Variants in SLC16A7 observed in about 807,000 individuals in gnomAD.
SLC16A7 encodes monocarboxylate transporter 2.
SLC16A7 carries 33 observed loss-of-function variants against 34.9 expected under a neutral mutation model. That is an observed-to-expected ratio of 0.94 (90% CI 0.72 to 1.26). SLC16A7 has a LOEUF of 1.26. SLC16A7 is among the 50% of genes most tolerant of loss of function. The pLI, the probability that SLC16A7 is intolerant of heterozygous loss-of-function variation, is 0.00. For synonymous variants in SLC16A7, 201 were observed against 206.6 expected, an observed-to-expected ratio of 0.97 and a Z score of 0.23; for missense variants, 573 against 578.1, an observed-to-expected ratio of 0.99 and a Z score of 0.09.
intron 2 of SLC16A7, among the ~76,000 whole-genome samples, chr12:59,668,872 G>A (rs1869434183): frequency 1.3e-5 from 2 of 152,174 alleles, no homozygotes; most frequent in African/African-American, 4.8e-5. Context: ...TTGTGATAGT[G>A]AATAAGTCTC....
At chr12:59,658,799 T>G (rs1868671301) in intron 2 of SLC16A7, among the ~76,000 whole-genome samples, 1 of 152,048 alleles carries the variant, frequency 6.6e-6, no homozygotes, top group Non-Finnish European at 1.5e-5. Context: ...ATTTACGTAT[T>G]TTGGCAGTAT....
intron 1 of SLC16A7, among the ~76,000 whole-genome samples, chr12:59,617,298 T>C (rs1213159136): frequency 6.6e-6 from 1 of 152,018 alleles, no homozygotes; most frequent in African/African-American, 2.4e-5. Flanking sequence ...AAAATCCTAC[T>C]TGATATTGGA....
intron 2 of SLC16A7, among the ~76,000 whole-genome samples, chr12:59,669,427 A>G (rs1376004297): frequency 1.3e-5 from 2 of 152,132 alleles, no homozygotes; most frequent in African/African-American, 2.4e-5. Context: ...ATCTTTTAGT[A>G]TTAGATATTT....
Position 59,774,571 on chromosome 12 carries a change from T to C in SLC16A7, c.362-86T>C, listed in dbSNP as rs1271735581. The C allele has an allele frequency of 7.7e-6, 6 of 776,892 alleles. No individual in the cohort carries two copies. In the Admixed American group the frequency reaches 1.7e-4, roughly 22 times the overall value. The allele number at this position is 776,892 out of a possible 1,614,324, so 48.1% of individuals were successfully genotyped here. Reference sequence around the variant, plus strand: ...GCGTTTTTAATTCTGCCTTTCCCACTTGAATGTACATTTTGAGGAGTAATT... The same window carrying C: ...GCGTTTTTAATTCTGCCTTTCCCACCTGAATGTACATTTTGAGGAGTAATT... On this transcript the variant is annotated intron_variant, in intron 4 of 5. Coordinates refer to ENST00000547379, the MANE Select transcript of SLC16A7 (RefSeq NM_001270623.2).
At chr12:59,738,877 A>G (rs1014441851) in intron 3 of SLC16A7, among the ~76,000 whole-genome samples, 12 of 151,282 alleles carry the variant, frequency 7.9e-5, no homozygotes, top group African/African-American at 2.9e-4. Context: ...TCATGTTTAT[A>G]AACTATTGCT....
intron 3 of SLC16A7, among the ~76,000 whole-genome samples, chr12:59,757,340 C>G (rs1321911979): frequency 6.6e-6 from 1 of 152,114 alleles, no homozygotes; most frequent in East Asian, 1.9e-4. Context: ...CACCATGGCA[C>G]GTGTATACCT....
chr12:59,708,520 A>G (rs1442538765), intron 3 of SLC16A7, among the ~76,000 whole-genome samples: 1 of 152,204 alleles, frequency 6.6e-6, no homozygotes, highest in Non-Finnish European at 1.5e-5. Context: ...TTTGGAGAGC[A>G]AAGGTGAAAA....
intron 1 of SLC16A7, among the ~76,000 whole-genome samples, chr12:59,654,670 T>C (rs1868442661): frequency 1.3e-5 from 2 of 150,514 alleles, no homozygotes; most frequent in African/African-American, 4.9e-5. Context: ...GATATTACTT[T>C]ATAAACACAC....
intron 3 of SLC16A7, among the ~76,000 whole-genome samples, chr12:59,715,118 A>T (rs1468425738): frequency 6.6e-6 from 1 of 152,152 alleles, no homozygotes; most frequent in Non-Finnish European, 1.5e-5. Context: ...AATGTGTTAA[A>T]ATACAGGTGG....
At chr12:59,771,421 A>T (rs1023368759) in intron 4 of SLC16A7, 59 bp downstream of exon 4, 1 of 1,183,176 alleles carries the variant, frequency 8.5e-7, no homozygotes, top group Non-Finnish European at 1.1e-6. Flanking sequence ...AAGCTCTATG[A>T]GAAGAATGAA....
At chr12:59,760,690 T>C (rs1252587282) in intron 3 of SLC16A7, among the ~76,000 whole-genome samples, 1 of 152,072 alleles carries the variant, frequency 6.6e-6, no homozygotes. Flanking sequence ...GCAGGTAATC[T>C]ATACAGCGTG....
At chr12:59,717,188 T>C (rs1875007782) in intron 3 of SLC16A7, among the ~76,000 whole-genome samples, 1 of 152,206 alleles carries the variant, frequency 6.6e-6, no homozygotes, top group Non-Finnish European at 1.5e-5. Flanking sequence ...GAGAAAATTT[T>C]TAAAGCTTCC....
At chr12:59,624,738 TTGTGTGTGTGTGTG>T (rs34708782) in intron 1 of SLC16A7, among the ~76,000 whole-genome samples, 3 of 145,284 alleles carry the variant, frequency 2.1e-5, no homozygotes, top group African/African-American at 7.5e-5. Flanking sequence ...GCATTGTTAG[TTGTGTGTGTGTGTG>T]TGTGTGTGTG....
intron 2 of SLC16A7, among the ~76,000 whole-genome samples, chr12:59,700,975 C>T (rs776588180): frequency 9.9e-5 from 15 of 151,390 alleles, no homozygotes; most frequent in Non-Finnish European, 1.6e-4. Flanking sequence ...CAATTTTTTT[C>T]GACGCTCAAG....
chr12:59,744,424 T>G (rs1430921855), intron 3 of SLC16A7, among the ~76,000 whole-genome samples: 1 of 152,138 alleles, frequency 6.6e-6, no homozygotes, highest in Non-Finnish European at 1.5e-5. Flanking sequence ...GGCTGGACTC[T>G]GGGGGAAGCT....
Position 59,700,866 on chromosome 12 carries a change from C to T in SLC16A7, c.-30-3906C>T, listed in dbSNP as rs571118062. 9.9e-5 allele frequency among the ~76,000 whole-genome samples: 15 copies of T among 151,808 alleles called. No individual in the cohort carries two copies. In the South Asian group the frequency reaches 2.5e-3, roughly 25 times the overall value. ...ATTTCACATTCAGCCCCAACTATGA[C>T]TTATTGAACACTTAACTATGTACAG... On this transcript the variant is annotated intron_variant, in intron 2 of 5. Coordinates refer to ENST00000547379, the MANE Select transcript of SLC16A7 (RefSeq NM_001270623.2).
At chr12:59,627,235 A>T (rs1736512902) in intron 1 of SLC16A7, among the ~76,000 whole-genome samples, 1 of 151,880 alleles carries the variant, frequency 6.6e-6, no homozygotes, top group African/African-American at 2.4e-5. Flanking sequence ...TTCCTGTGGC[A>T]TTATGTCACA....
chr12:59,630,494 T>C (rs1278148949), intron 1 of SLC16A7, among the ~76,000 whole-genome samples: 1 of 151,866 alleles, frequency 6.6e-6, no homozygotes, highest in Non-Finnish European at 1.5e-5. Context: ...TCAGGGTTGT[T>C]ACAAGTATTG....
chr12:59,734,613 A>G (rs1411182471), intron 3 of SLC16A7, among the ~76,000 whole-genome samples: 1 of 152,224 alleles, frequency 6.6e-6, no homozygotes, highest in Non-Finnish European at 1.5e-5. Flanking sequence ...GGCTTTGCAC[A>G]GTGTGGGGCC....
Sources: allele counts gnomAD v4.1 joint callset (sites outside exome capture counted in the v4.1 genomes callset), GRCh38; gene constraint gnomAD v4.1.1; transcripts MANE v1.5; gene names NCBI Gene and HGNC (gene_info 2026-07-23, HGNC 2026-07-21).